Variants in SCAMP2 observed in about 807,000 individuals in gnomAD.
The protein encoded by SCAMP2 is secretory carrier-associated membrane protein 2.
SCAMP2 carries 25 observed loss-of-function variants against 44.1 expected under a neutral mutation model. The ratio of observed to expected loss-of-function variants is 0.57; its 90% confidence interval spans 0.41 to 0.79. SCAMP2 has a LOEUF of 0.79. Among genes scored for constraint, SCAMP2 ranks in the 30% least tolerant of loss-of-function variants. The pLI is 0.00. For missense variants in SCAMP2, 355 were observed against 411.0 expected, an observed-to-expected ratio of 0.86 and a Z score of 1.18; for synonymous variants, 156 against 166.0, an observed-to-expected ratio of 0.94 and a Z score of 0.46.
chr15:74,865,253 C>T (rs111851499), intron 1 of SCAMP2, among the ~76,000 whole-genome samples: 2,107 of 151,206 alleles, frequency 0.014, 51 homozygotes, highest in African/African-American at 0.049. Context: ...TGGTGGCATG[C>T]GCCTGTAGTC....
chr15:74,873,021 C>A, intron 1 of SCAMP2, 178 bp downstream of exon 1: 1 of 543,900 alleles, frequency 1.8e-6, no homozygotes, highest in Non-Finnish European at 3.1e-6. Flanking sequence ...TGCAGTTCCA[C>A]CTGCTGCTAG....
intron 1 of SCAMP2, among the ~76,000 whole-genome samples, chr15:74,858,588 G>T (rs777083661): frequency 6.6e-6 from 1 of 152,020 alleles, no homozygotes; most frequent in African/African-American, 2.4e-5. Flanking sequence ...AGATCTCAGG[G>T]GTAGTGGCTC....
chr15:74,851,609 G>C, intron 4 of SCAMP2, 128 bp from the exon 5 acceptor site: 1 of 1,141,640 alleles, frequency 8.8e-7, no homozygotes, highest in Non-Finnish European at 1.3e-6. Flanking sequence ...GCGGGGCTTG[G>C]AGTCTGCATG....
At chr15:74,847,060 T>C (rs1380699223) in intron 7 of SCAMP2, among the ~76,000 whole-genome samples, 1 of 147,128 alleles carries the variant, frequency 6.8e-6, no homozygotes. Context: ...ATTCCAGAAA[T>C]AAACCCATAC....
At chr15:74,864,107 G>A (rs2064526489) in intron 1 of SCAMP2, among the ~76,000 whole-genome samples, 1 of 152,132 alleles carries the variant, frequency 6.6e-6, no homozygotes, top group Admixed American at 6.6e-5. Context: ...TGTCGTCCAG[G>A]CTGGAGTGCA....
intron 5 of SCAMP2, 92 bp downstream of exon 5, chr15:74,851,261 T>C: frequency 6.9e-7 from 1 of 1,440,424 alleles, no homozygotes; most frequent in South Asian, 1.3e-5. Context: ...GCTGAAAGCC[T>C]GTATACCAGG....
intron 6 of SCAMP2, among the ~76,000 whole-genome samples, chr15:74,849,162 T>C (rs1390066433): frequency 6.6e-6 from 1 of 152,056 alleles, no homozygotes; most frequent in Non-Finnish European, 1.5e-5. Flanking sequence ...AATAAGTAAA[T>C]CTCTATATAA....
At chr15:74,864,349 C>T (rs1325041923) in intron 1 of SCAMP2, among the ~76,000 whole-genome samples, 1 of 152,158 alleles carries the variant, frequency 6.6e-6, no homozygotes, top group Non-Finnish European at 1.5e-5. Context: ...GCTTGAGCCA[C>T]CGCACCTGGC....
At chr15:74,850,258 G>C (rs1412061194) in intron 6 of SCAMP2, among the ~76,000 whole-genome samples, 1 of 152,180 alleles carries the variant, frequency 6.6e-6, no homozygotes. Flanking sequence ...GCAGTGGGAT[G>C]GGAGGTCCCT....
intron 5 of SCAMP2, 101 bp downstream of exon 5, chr15:74,851,252 C>A: frequency 7.3e-7 from 1 of 1,379,012 alleles, no homozygotes. Flanking sequence ...CTGGAGTCTG[C>A]TGAAAGCCTG....
At chr15:74,855,716 CA>C (rs10609131) in intron 1 of SCAMP2, among the ~76,000 whole-genome samples, 2,124 of 83,946 alleles carry the variant, frequency 0.025, 34 homozygotes, top group African/African-American at 0.055. Flanking sequence ...AACTCCATCT[CA>C]AAAAAAAAAA....
chr15:74,870,215 G>A (rs549576134), intron 1 of SCAMP2, among the ~76,000 whole-genome samples: 33 of 152,266 alleles, frequency 2.2e-4, no homozygotes, highest in Non-Finnish European at 3.4e-4. Flanking sequence ...AGACTGTCTC[G>A]CTAGAATGCA....
At chr15:74,865,058 C>T (rs2064532830) in intron 1 of SCAMP2, among the ~76,000 whole-genome samples, 1 of 121,970 alleles carries the variant, frequency 8.2e-6, no homozygotes, top group Admixed American at 9.8e-5. Context: ...CACTGCACTC[C>T]ACCCTGACTC....
At position 74,844,345 on chromosome 15, in the gene SCAMP2, C is replaced by G. The variant is rs1014545554; in HGVS notation, c.*738G>C. On this transcript the variant is annotated 3_prime_UTR_variant, in exon 9 of 9. Transcript: ENST00000268099. Reference sequence around the variant, plus strand: ...TCCCTTCCAGTCCCCAAATCCCAACCAACGGCATTGTACATTCAGAAAGTC... The same window carrying G: ...TCCCTTCCAGTCCCCAAATCCCAACGAACGGCATTGTACATTCAGAAAGTC... The G allele has an allele frequency of 6.6e-6, 1 of 152,298 alleles. No individual in the cohort carries two copies. Among genetic ancestry groups the G allele is most frequent in the Non-Finnish European group, 1.5e-5 (1 of 68,136 alleles). 9.4% of individuals were successfully genotyped at this position (152,298 alleles called of 1,614,324 possible). A position where few individuals can be genotyped will look rare whatever the true frequency, so the allele number is the denominator to read the frequency against.
intron 1 of SCAMP2, among the ~76,000 whole-genome samples, chr15:74,870,374 CCT>C (rs1465416667): frequency 6.6e-6 from 1 of 152,172 alleles, no homozygotes; most frequent in Non-Finnish European, 1.5e-5. Flanking sequence ...CAACTGACTT[CCT>C]CTCTGTCAGA....
intron 1 of SCAMP2, among the ~76,000 whole-genome samples, chr15:74,860,435 T>C (rs1048155883): frequency 2.0e-5 from 3 of 148,000 alleles, no homozygotes; most frequent in African/African-American, 4.9e-5. Context: ...ACGCCTGTAA[T>C]CCCAGCACTT....
rs2064393813 is a variant in SCAMP2, at chr15:74,845,555, G to T, written c.773C>A (p.Ser258Tyr). ...IAALSTLDNH[S>Y]LAISVIMMVV... Reference sequence around the variant, plus strand: ...CATCATGATGACTGATATGGCCAGGGAATGATTATCCAGTGTAGACAGGGC... The same window carrying T: ...CATCATGATGACTGATATGGCCAGGTAATGATTATCCAGTGTAGACAGGGC... The change falls in exon 8 of 9, where the codon TCC (serine) becomes TAC (tyrosine). Residue 258 changes from serine to tyrosine, a missense_variant. Coordinates refer to ENST00000268099, the MANE Select transcript of SCAMP2 (RefSeq NM_005697.5). 1 of 1,614,024 alleles carries T rather than the reference G, an allele frequency of 6.2e-7. No individual in the cohort carries two copies. The highest frequency in any genetic ancestry group is 1.7e-5 in the Admixed American group (1 of 60,006).
chr15:74,856,305 C>T (rs1184356737), intron 1 of SCAMP2, among the ~76,000 whole-genome samples: 7 of 132,692 alleles, frequency 5.3e-5, no homozygotes, highest in African/African-American at 1.4e-4. Context: ...GACAGAGTCA[C>T]GCTCTGTCAC....
chr15:74,854,458 C>CT, intron 2 of SCAMP2, 123 bp downstream of exon 2: 1 of 832,704 alleles, frequency 1.2e-6, no homozygotes, highest in South Asian at 1.4e-5. Context: ...CATGTTAGGA[C>CT]TGTCCCTTTG....
Sources: allele counts gnomAD v4.1 joint callset (sites outside exome capture counted in the v4.1 genomes callset), GRCh38; gene constraint gnomAD v4.1.1; transcripts MANE v1.5; gene names NCBI Gene and HGNC (gene_info 2026-07-23, HGNC 2026-07-21).